Variants in STXBP4 observed in about 807,000 individuals in gnomAD.
STXBP4 encodes the protein syntaxin binding protein 4.
STXBP4 carries 55 observed loss-of-function variants against 76.1 expected under a neutral mutation model. The observed-to-expected ratio is 0.72, with a 90% CI of 0.58 to 0.91. The LOEUF (loss-of-function observed/expected upper bound fraction) is 0.91, where lower values mean the gene tolerates loss of function less well. Ranked by LOEUF, STXBP4 falls within the 40% of genes least tolerant of loss-of-function variation. The pLI, the probability that STXBP4 is intolerant of heterozygous loss-of-function variation, is 0.00. For missense variants in STXBP4, 618 were observed against 636.9 expected (o/e 0.97, Z 0.32); for synonymous variants, 201 against 220.2 (o/e 0.91, Z 0.77).
intron 16 of STXBP4, among the ~76,000 whole-genome samples, chr17:55,088,411 G>A (rs2079366446): frequency 1.3e-5 from 2 of 152,104 alleles, no homozygotes; most frequent in African/African-American, 2.4e-5. Context: ...AGGCTCTAAG[G>A]AATATCTAGA....
chr17:55,022,927 C>T (rs2078340572), intron 8 of STXBP4, among the ~76,000 whole-genome samples: 1 of 152,092 alleles, frequency 6.6e-6, no homozygotes, highest in Non-Finnish European at 1.5e-5. Flanking sequence ...GCCATTGAGC[C>T]ATTTTTAATA....
chr17:55,136,080 T>A (rs1404872371), intron 16 of STXBP4, among the ~76,000 whole-genome samples: 1 of 152,176 alleles, frequency 6.6e-6, no homozygotes, highest in Non-Finnish European at 1.5e-5. Context: ...AATAACAATA[T>A]CTATCTCAAA....
At chr17:55,030,901 T>C in intron 8 of STXBP4, 1 of 286,104 alleles carries the variant, frequency 3.5e-6, no homozygotes, top group Non-Finnish European at 6.7e-6. Context: ...AACTAAGAAA[T>C]AGTTTGATTT....
intron 11 of STXBP4, chr17:55,043,553 G>T: frequency 2.1e-6 from 3 of 1,423,250 alleles, no homozygotes; most frequent in Non-Finnish European, 2.9e-6. Flanking sequence ...GTGAACAATG[G>T]TTTTTGCTCA....
At chr17:55,144,021 A>G (rs1486930979) in intron 17 of STXBP4, among the ~76,000 whole-genome samples, 1 of 148,124 alleles carries the variant, frequency 6.8e-6, no homozygotes, top group Non-Finnish European at 1.5e-5. Flanking sequence ...ACACACACAC[A>G]CACACACACA....
At chr17:55,004,342 T>C (rs72628375) in intron 7 of STXBP4, among the ~76,000 whole-genome samples, 6,972 of 152,140 alleles carry the variant, frequency 0.046, 251 homozygotes, top group East Asian at 0.2. Context: ...ATTAAGCAAA[T>C]TGTATTGATC....
At chr17:55,029,151 A>G (rs1283204883) in intron 8 of STXBP4, among the ~76,000 whole-genome samples, 1 of 152,158 alleles carries the variant, frequency 6.6e-6, no homozygotes, top group African/African-American at 2.4e-5. Context: ...TCACAGTTAA[A>G]ATAAGTGAAC....
chr17:55,201,273 G>A, the STXBP4 span, among the ~76,000 whole-genome samples: 7 of 152,104 alleles, frequency 4.6e-5, no homozygotes, highest in East Asian at 1.3e-3. Context: ...TTTATATAAT[G>A]ATTGTACTGT....
intron 4 of STXBP4, chr17:54,991,548 A>AC (rs1451911315): frequency 7.2e-5 from 11 of 152,056 alleles, no homozygotes; most frequent in African/African-American, 2.4e-4. Context: ...TTGAAGGACA[A>AC]CCCCAGCAGT....
intron 15 of STXBP4, among the ~76,000 whole-genome samples, chr17:55,079,043 T>G (rs1464911912): frequency 6.6e-6 from 1 of 152,196 alleles, no homozygotes; most frequent in African/African-American, 2.4e-5. Context: ...TGTAATTGTC[T>G]TGCGTATGAA....
chr17:54,975,956 T>G (rs192569403), intron 1 of STXBP4, among the ~76,000 whole-genome samples: 2 of 152,342 alleles, frequency 1.3e-5, no homozygotes, highest in African/African-American at 4.8e-5. Context: ...TTAGTCACAT[T>G]TGCTATCACC....
At chr17:55,077,685 T>TTG (rs2079199927) in intron 13 of STXBP4, among the ~76,000 whole-genome samples, 2 of 90,938 alleles carry the variant, frequency 2.2e-5, no homozygotes, top group Admixed American at 2.2e-4. Context: ...TTGTCTTACA[T>TTG]CGTGTGTGTG....
chr17:55,200,341 G>C, the STXBP4 span, among the ~76,000 whole-genome samples: 17 of 152,284 alleles, frequency 1.1e-4, no homozygotes, highest in Admixed American at 3.9e-4. Flanking sequence ...CTCAGTCACA[G>C]CTAATGAAAC....
Position 55,169,592 on chromosome 17 carries a change from G to T in STXBP4, c.*9681G>T, listed in dbSNP as rs552017425. The T allele has an allele frequency of 6.6e-6, 1 of 152,312 alleles. No homozygotes were observed. 9.4% of individuals were successfully genotyped at this position (152,312 alleles called of 1,614,324 possible). A position where few individuals can be genotyped will look rare whatever the true frequency, so the allele number is the denominator to read the frequency against. ...CTAAAGACGCTTAGATGTGAAAAAT[G>T]TGTGTCTTAGAATCGATAAAATATG... On this transcript the variant is annotated 3_prime_UTR_variant, in exon 18 of 18. Transcript: ENST00000376352.
intron 16 of STXBP4, among the ~76,000 whole-genome samples, chr17:55,092,192 A>G (rs2079423910): frequency 1.3e-5 from 2 of 152,298 alleles, no homozygotes. Context: ...ATAAAAGACT[A>G]CACATTGGGT....
At chr17:54,992,276 G>A (rs1288500052) in intron 4 of STXBP4, among the ~76,000 whole-genome samples, 4 of 151,610 alleles carry the variant, frequency 2.6e-5, no homozygotes, top group East Asian at 1.9e-4. Flanking sequence ...AAATCAGCCC[G>A]GCATGGTGTT....
At chr17:55,029,229 A>G (rs972429460) in intron 8 of STXBP4, among the ~76,000 whole-genome samples, 22 of 152,088 alleles carry the variant, frequency 1.4e-4, no homozygotes, top group Non-Finnish European at 2.9e-5. Context: ...AATAATTTGT[A>G]GAGTTACTCT....
rs1234286719 is a variant in STXBP4 at position 55,168,690 on chromosome 17, C to T, written c.*8779C>T. The T allele has an allele frequency of 6.6e-6, 1 of 152,116 alleles. No homozygotes were observed. Among genetic ancestry groups the T allele is most frequent in the Non-Finnish European group, 1.5e-5 (1 of 68,016 alleles). 9.4% of individuals were successfully genotyped at this position (152,116 alleles called of 1,614,324 possible). A position where few individuals can be genotyped will look rare whatever the true frequency, so the allele number is the denominator to read the frequency against. ...CTGTACATTCAGAATTGAACTCTTT[C>T]TGCATCTCTTTTTTGAATCAGAGTT... On this transcript the variant is annotated 3_prime_UTR_variant, in exon 18 of 18. Coordinates refer to ENST00000376352, the MANE Select transcript of STXBP4 (RefSeq NM_178509.6).
chr17:55,087,579 T>A (rs146344306), intron 16 of STXBP4, among the ~76,000 whole-genome samples: 126 of 152,282 alleles, frequency 8.3e-4, no homozygotes, highest in Non-Finnish European at 1.4e-3. Flanking sequence ...ATTTCTGGGT[T>A]GTCTATTCTG....
Sources: gnomAD v4.1 joint callset for allele counts (sites outside exome capture counted in the v4.1 genomes callset) on GRCh38, gnomAD v4.1.1 for gene constraint, MANE v1.5 for transcripts, NCBI Gene and HGNC (gene_info 2026-07-23, HGNC 2026-07-21) for gene names.